Variants in CENPE observed in about 807,000 individuals in gnomAD.
CENPE encodes centromere protein E, also known as centromere-associated protein E.
CENPE carries 145 observed loss-of-function variants against 336.1 expected under a neutral mutation model. The observed-to-expected ratio is 0.43, with a 90% CI of 0.38 to 0.50. CENPE has a LOEUF of 0.50. CENPE is among the 20% of genes least tolerant of loss of function. The pLI is 0.00. For synonymous variants in CENPE, 1,013 were observed against 984.8 expected (o/e 1.03, Z -0.54); for missense variants, 2,719 against 3,023.3 (o/e 0.90, Z 2.36).
intron 28 of CENPE, 99 bp from the exon 29 acceptor site, chr4:103,147,745 G>A (rs558277959): frequency 1.0e-6 from 1 of 998,926 alleles, no homozygotes; most frequent in Admixed American, 2.6e-5. Context: ...CCAGGTGGGA[G>A]TGCAGTGGCG....
At chr4:103,152,904 G>T (rs1753676947) in intron 25 of CENPE, 143 bp downstream of exon 25, 3 of 641,220 alleles carry the variant, frequency 4.7e-6, no homozygotes, top group Non-Finnish European at 7.8e-6. Flanking sequence ...GAAATGGGTA[G>T]AGACATTTGT....
Position 103,152,445 on chromosome 4 carries a change from C to T in CENPE, c.3237+602G>A, listed in dbSNP as rs150515009. On this transcript the variant is annotated intron_variant, in intron 25 of 48. Coordinates refer to ENST00000265148, the MANE Select transcript of CENPE (RefSeq NM_001813.3). ...ATGGGAATGTAAAATGATATAATTACTTTGGAAATCAGTCTAGCAAATTCT... is the reference window on the plus strand; with the variant it reads ...ATGGGAATGTAAAATGATATAATTATTTTGGAAATCAGTCTAGCAAATTCT... Among the ~76,000 whole-genome samples, 253 of 152,286 alleles carry T rather than the reference C, an allele frequency of 1.7e-3. 3 individuals are homozygous for T. The highest frequency in any genetic ancestry group is 5.7e-3 in the African/African-American group (237 of 41,554).
At chr4:103,165,758 C>A (rs1392564133) in intron 16 of CENPE, among the ~76,000 whole-genome samples, 1 of 151,726 alleles carries the variant, frequency 6.6e-6, no homozygotes, top group Non-Finnish European at 1.5e-5. Flanking sequence ...CCGAGGCGAG[C>A]AGATCACTTG....
chr4:103,188,634 T>C (rs1489083401), intron 8 of CENPE, among the ~76,000 whole-genome samples: 2 of 152,070 alleles, frequency 1.3e-5, no homozygotes, highest in African/African-American at 2.4e-5. Context: ...CTGGGACACA[T>C]TTAAAGCAGT....
chr4:103,174,121 T>A (rs1755656131), intron 16 of CENPE, among the ~76,000 whole-genome samples: 1 of 150,730 alleles, frequency 6.6e-6, no homozygotes, highest in East Asian at 1.9e-4. Context: ...AACAGAAGAA[T>A]GGATAAAGAA....
In CENPE at chr4:103,151,345, A is replaced by G; in HGVS notation, c.3270T>C (p.Leu1090=). The G allele has an allele frequency of 6.3e-7, 1 of 1,590,776 alleles. No homozygotes were observed. Among genetic ancestry groups the G allele is most frequent in the Non-Finnish European group, 8.5e-7 (1 of 1,174,846 alleles). Residue 1090 remains leucine (L), a synonymous_variant, in exon 26 of 49, where the codon CTT becomes CTC. Coordinates refer to ENST00000265148, the MANE Select transcript of CENPE (RefSeq NM_001813.3). The stretch of plus-strand genomic sequence containing the variant: ...CTTGTTGCTTTTTAAGTTCATCCCC[A>G]AGAAGTCTTAATTCTTCCTGGTTTT... ...TIENQEELRL[L]GDELKKQQEI...
At chr4:103,151,164 C>T in intron 26 of CENPE, 55 bp downstream of exon 26, 12 of 1,494,482 alleles carry the variant, frequency 8.0e-6, no homozygotes, top group African/African-American at 2.9e-5. Flanking sequence ...TAAAAATTAC[C>T]AAAAAAAAAG....
chr4:103,121,873 T>C (rs548954470), intron 43 of CENPE, among the ~76,000 whole-genome samples: 50 of 152,246 alleles, frequency 3.3e-4, no homozygotes, highest in East Asian at 2.5e-3. Flanking sequence ...CATTTTTTTT[T>C]CCCACTGAAT....
chr4:103,179,265 G>A (rs994806258), intron 13 of CENPE, among the ~76,000 whole-genome samples: 6 of 152,184 alleles, frequency 3.9e-5, no homozygotes, highest in African/African-American at 1.2e-4. Context: ...GCAATCTGAT[G>A]TGCACAGTAG....
Position 103,132,737 on chromosome 4 carries a change from C to T in CENPE, c.6880G>A (p.Asp2294Asn). The T allele has an allele frequency of 6.4e-7, 1 of 1,566,046 alleles. No homozygotes were observed. Among genetic ancestry groups the T allele is most frequent in the Non-Finnish European group, 8.7e-7 (1 of 1,142,876 alleles). Residue 2294 changes from aspartate (D) to asparagine (N), a missense_variant, in exon 42 of 49, where the codon GAT (aspartate) becomes AAT (asparagine). By Grantham distance (23) the Asp-to-Asn change is conservative. This residue lies in a region of CENPE where 2,437 missense variants were observed against 2,513.3 expected (regional missense o/e 0.97). Coordinates refer to ENST00000265148, the MANE Select transcript of CENPE (RefSeq NM_001813.3). ...AAGTTATTCACTTGACAAATCCTAT[C>T]ATTTTCTTTCTGGATGCCATTTTTA... ...KLKNGIQKEN[D>N]RICQVNNFFN...
chr4:103,111,870 C>G (rs1427619490), intron 46 of CENPE, among the ~76,000 whole-genome samples: 1 of 151,980 alleles, frequency 6.6e-6, no homozygotes, highest in African/African-American at 2.4e-5. Flanking sequence ...TTTTTGGAAA[C>G]AAGTGGACTA....
chr4:103,193,579 G>A (rs565459867), intron 8 of CENPE, among the ~76,000 whole-genome samples: 1 of 152,138 alleles, frequency 6.6e-6, no homozygotes, highest in East Asian at 1.9e-4. Context: ...CAATAATTTA[G>A]TGTGGAAAGA....
In CENPE at chr4:103,123,043, A is replaced by G. The variant is rs1239691399; in HGVS notation, c.6971T>C (p.Ile2324Thr). Residue 2324 changes from isoleucine to threonine, a missense_variant, in exon 43 of 49, where the codon ATA (isoleucine) becomes ACA (threonine). Ile to Thr is a moderately conservative substitution (Grantham distance 89). Coordinates refer to ENST00000265148, the MANE Select transcript of CENPE (RefSeq NM_001813.3). Reference sequence around the variant, plus strand: ...CAGGTCCTGTTCCCACTCTTTGGATATGGTAGCACTTCTTTCCTCAAACTC... The same window carrying G: ...CAGGTCCTGTTCCCACTCTTTGGATGTGGTAGCACTTCTTTCCTCAAACTC... ...STEFEERSAT[I>T]SKEWEQDLKS... 6.2e-7 allele frequency: 1 copy of G among 1,613,820 alleles called. No individual in the cohort carries two copies. Among genetic ancestry groups the G allele is most frequent in the Non-Finnish European group, 8.5e-7 (1 of 1,179,894 alleles).
chr4:103,168,359 C>T (rs1005817150), intron 16 of CENPE, among the ~76,000 whole-genome samples: 2 of 151,332 alleles, frequency 1.3e-5, no homozygotes, highest in Non-Finnish European at 2.9e-5. Context: ...TGACTGCAGC[C>T]CCTCTCTACT....
In CENPE at chr4:103,139,854, T is replaced by A. The variant is rs749049143; in HGVS notation, c.6139A>T (p.Ile2047Leu). ...VAKERDELRRIKESLKMERDQ... is the reference protein window; with the variant it reads ...VAKERDELRRLKESLKMERDQ... ...CTTTCCATTTTGAGAGATTCTTTTATCCTCCTTAGCTCATCTCTTTCTTTA... is the reference window on the plus strand; with the variant it reads ...CTTTCCATTTTGAGAGATTCTTTTAACCTCCTTAGCTCATCTCTTTCTTTA... Residue 2047 changes from isoleucine (I) to leucine (L), a missense_variant, in exon 38 of 49, where the codon ATA (isoleucine) becomes TTA (leucine). Ile to Leu is a conservative substitution (Grantham distance 5). This residue lies in a region of CENPE where 2,437 missense variants were observed against 2,513.3 expected (regional missense o/e 0.97). Transcript: ENST00000265148. The A allele has an allele frequency of 4.3e-6, 7 of 1,612,956 alleles. No homozygotes were observed. The highest frequency in any genetic ancestry group is 5.9e-6 in the Non-Finnish European group (7 of 1,179,490).
At chr4:103,197,092 G>T (rs1018102889) in intron 1 of CENPE, among the ~76,000 whole-genome samples, 1 of 152,096 alleles carries the variant, frequency 6.6e-6, no homozygotes, top group Non-Finnish European at 1.5e-5. Flanking sequence ...GTAAACAAAG[G>T]GATGGATTCA....
At chr4:103,161,535 A>C (rs945511995) in intron 18 of CENPE, 78 bp from the exon 19 acceptor site, 2 of 1,285,622 alleles carry the variant, frequency 1.6e-6, no homozygotes, top group Non-Finnish European at 2.1e-6. Context: ...CATGTATATA[A>C]ATGTTAACTC....
Position 103,166,328 on chromosome 4 carries a change from G to A in CENPE, c.1648-2775C>T, listed in dbSNP as rs541906586. On this transcript the variant is annotated intron_variant, in intron 16 of 48. Transcript: ENST00000265148. ...GTAAGTTTATAAGTGGCAAAACTGC[G>A]GCTTAAATCCAGGCAATTTCACTCT... 5.2e-4 allele frequency among the ~76,000 whole-genome samples: 79 copies of A among 152,196 alleles called. 1 individual carries two copies. In the South Asian group the frequency reaches 0.016, roughly 30 times the overall value.
At chr4:103,189,018 T>C (rs1333430195) in intron 8 of CENPE, among the ~76,000 whole-genome samples, 1 of 152,194 alleles carries the variant, frequency 6.6e-6, no homozygotes, top group African/African-American at 2.4e-5. Flanking sequence ...TAAACACCTC[T>C]ATGCAAATAA....
Sources: gnomAD v4.1 joint callset for allele counts (sites outside exome capture counted in the v4.1 genomes callset) on GRCh38, gnomAD v4.1.1 for gene constraint, gnomAD v4.1.1 regional missense constraint, MANE v1.5 for transcripts, NCBI Gene and HGNC (gene_info 2026-07-23, HGNC 2026-07-21) for gene names.